Variants in COX20 observed in about 807,000 individuals in gnomAD.
COX20 encodes cytochrome c oxidase assembly protein COX20, mitochondrial.
Under a neutral mutation model 14.3 loss-of-function variants are expected in COX20, and 14 were observed. That is an observed-to-expected ratio of 0.98 (90% confidence interval 0.65 to 1.53). The LOEUF (loss-of-function observed/expected upper bound fraction) is 1.53, where lower values mean the gene tolerates loss of function less well. Ranked by LOEUF, COX20 falls within the 40% of genes most tolerant of loss-of-function variation. The pLI, the probability that COX20 is intolerant of heterozygous loss-of-function variation, is 0.00. For synonymous variants in COX20, 56 were observed against 51.7 expected, an observed-to-expected ratio of 1.08 and a Z score of -0.36; for missense variants, 149 against 142.1, an observed-to-expected ratio of 1.05 and a Z score of -0.25.
Position 244,835,763 on chromosome 1 carries a change from TG to T in COX20, c.42+12del, listed in dbSNP as rs1189946614. ...TGAGCCCGAGGAGAGGAAGGTAACCTGGGGGTCGGCGGGGCGCGCGCCGCGG... is the reference window on the plus strand; with the variant it reads ...TGAGCCCGAGGAGAGGAAGGTAACCTGGGGTCGGCGGGGCGCGCGCCGCGG... On this transcript the variant is annotated splice_region_variant and intron_variant, in intron 1 of 3. Coordinates refer to ENST00000411948, the MANE Select transcript of COX20 (RefSeq NM_198076.6). 1.6e-6 allele frequency: 2 copies of T among 1,232,392 alleles called. No individual in the cohort carries two copies. The highest frequency in any genetic ancestry group is 2.0e-6 in the Non-Finnish European group (2 of 987,812). 76.3% of individuals were successfully genotyped at this position (1,232,392 alleles called of 1,614,324 possible).
At chr1:244,835,325 C>A (rs1679922568), upstream of COX20, 1 of 176,024 alleles carries the variant, frequency 5.7e-6, no homozygotes, top group Non-Finnish European at 1.2e-5. Flanking sequence ...AGCACGCGCG[C>A]CGGAGACGGT....
rs1346090602 is a variant in COX20 at position 244,845,032 on chromosome 1, AC to A, written c.*1857del. 2 of 166,054 alleles carry A rather than the reference AC, an allele frequency of 1.2e-5. No individual in the cohort carries two copies. The highest frequency in any genetic ancestry group is 1.5e-5 in the Non-Finnish European group (1 of 68,122). The allele number at this position is 166,054 out of a possible 1,614,324, so 10.3% of individuals were successfully genotyped here. A position where few individuals can be genotyped will look rare whatever the true frequency, so the allele number is the denominator to read the frequency against. On this transcript the variant is annotated 3_prime_UTR_variant, in exon 4 of 4. Transcript: ENST00000411948. Reference sequence around the variant, plus strand: ...CTCTAGATTACTTATAATGTCTAATACAAAATAAATGCTATGTAAATGTAAT... The same window carrying A: ...CTCTAGATTACTTATAATGTCTAATAAAAATAAATGCTATGTAAATGTAAT...
chr1:244,840,792 T>G (rs3191), intron 1 of COX20: 4,577 of 152,288 alleles, frequency 0.03, 120 homozygotes, highest in Middle Eastern at 0.044. Context: ...TACTATCCTT[T>G]CCCCATTTCT....
rs1680288348 is a variant in COX20 at position 244,843,245 on chromosome 1, T to A, written c.*69T>A. ...ACCACATAAAACATTTCATGTGCAA[T>A]AAGCTCTCAATCAAGTAAATAAAGT... On this transcript the variant is annotated 3_prime_UTR_variant, in exon 4 of 4. Coordinates refer to ENST00000411948, the MANE Select transcript of COX20 (RefSeq NM_198076.6). The A allele has an allele frequency of 6.9e-7, 1 of 1,440,740 alleles. No individual in the cohort carries two copies. Among genetic ancestry groups the A allele is most frequent in the Non-Finnish European group, 9.4e-7 (1 of 1,065,312 alleles). The allele number at this position is 1,440,740 out of a possible 1,614,324, so 89.2% of individuals were successfully genotyped here. A position where few individuals can be genotyped will look rare whatever the true frequency, so the allele number is the denominator to read the frequency against.
chr1:244,837,115 AAAACTT>A (rs1680014737), intron 1 of COX20, among the ~76,000 whole-genome samples: 2 of 152,186 alleles, frequency 1.3e-5, no homozygotes, highest in African/African-American at 2.4e-5. Context: ...TTAAAAAAAA[AAAACTT>A]AAAAGAGGAT....
At position 244,835,708 on chromosome 1, in the gene COX20, A is replaced by C; in HGVS notation, c.-7A>C. 7.9e-7 allele frequency: 1 copy of C among 1,263,368 alleles called. No homozygotes were observed. The highest frequency in any genetic ancestry group is 1.0e-6 in the Non-Finnish European group (1 of 1,002,054). 78.3% of individuals were successfully genotyped at this position (1,263,368 alleles called of 1,614,324 possible). ...TGCAGGGCGGGTGGAGTCGCGGAGT[A>C]GTCCTCATGGCCGCCCCGCCGGAGC... On this transcript the variant is annotated 5_prime_UTR_variant, in exon 1 of 4. Transcript: ENST00000411948.
intron 1 of COX20, chr1:244,840,856 T>C (rs1254358007): frequency 2.0e-5 from 3 of 152,240 alleles, no homozygotes; most frequent in African/African-American, 7.2e-5. Context: ...CCTCATCCTA[T>C]AGAATCCCTT....
At chr1:244,836,023 G>T (rs989383057) in intron 1 of COX20, among the ~76,000 whole-genome samples, 1 of 152,188 alleles carries the variant, frequency 6.6e-6, no homozygotes, top group Non-Finnish European at 1.5e-5. Context: ...TAACAATACT[G>T]AATCTTTGGC....
rs1188679305 is a variant in COX20, at chr1:244,841,914, C to A, written c.43-30C>A. The stretch of plus-strand genomic sequence containing the variant: ...CACCCCAAAATGAAATACTTTCTTA[C>A]TCAATCTAGGTTCTTTTTTTTCATT... On this transcript the variant is annotated intron_variant, in intron 1 of 3. Transcript: ENST00000411948. 10 of 1,346,412 alleles carry A rather than the reference C, an allele frequency of 7.4e-6. No homozygotes were observed. In the Admixed American group the frequency reaches 1.6e-4, roughly 22 times the overall value. 83.4% of individuals were successfully genotyped at this position (1,346,412 alleles called of 1,614,324 possible). A position where few individuals can be genotyped will look rare whatever the true frequency, so the allele number is the denominator to read the frequency against.
At chr1:244,841,668 C>T (rs750511917) in intron 1 of COX20, 3 of 302,770 alleles carry the variant, frequency 9.9e-6, no homozygotes, top group Non-Finnish European at 1.8e-5. Flanking sequence ...TATCCTATTT[C>T]CAAGTCAGTT....
At chr1:244,842,300 G>A (rs1336219002) in intron 3 of COX20, 42 bp downstream of exon 3, 9 of 1,345,438 alleles carry the variant, frequency 6.7e-6, no homozygotes, top group Non-Finnish European at 7.5e-6. Context: ...GATTATAGTA[G>A]GTTATCTAAT....
At chr1:244,842,463 G>A (rs1573316571) in intron 3 of COX20, 2 of 521,712 alleles carry the variant, frequency 3.8e-6, no homozygotes, top group East Asian at 6.1e-5. Context: ...AGAAAGCTGT[G>A]GTTTTTACAC....
Position 244,842,267 on chromosome 1 carries a change from G to A in COX20, c.221+9G>A, listed in dbSNP as rs768333404. The A allele has an allele frequency of 9.5e-6, 15 of 1,578,376 alleles. No homozygotes were observed. Among genetic ancestry groups the A allele is most frequent in the Non-Finnish European group, 1.2e-5 (14 of 1,147,712 alleles). Reference sequence around the variant, plus strand: ...GTGACTTTGGGATGCTGGTATGTTTGCTAAGTATTCAAGAACATCCATGAT... The same window carrying A: ...GTGACTTTGGGATGCTGGTATGTTTACTAAGTATTCAAGAACATCCATGAT... On this transcript the variant is annotated intron_variant, in intron 3 of 3. Transcript: ENST00000411948.
At position 244,843,061 on chromosome 1, in the gene COX20, A is replaced by G. The variant is rs1200448210; in HGVS notation, c.242A>G (p.Tyr81Cys). The G allele has an allele frequency of 7.6e-6, 12 of 1,583,292 alleles. No individual in the cohort carries two copies. Among genetic ancestry groups the G allele is most frequent in the South Asian group, 1.2e-5 (1 of 86,362 alleles). The stretch of plus-strand genomic sequence containing the variant: ...CTAAGGTTTCATTGTAGGTATAATT[A>G]TGCAAAGCAAAGAATCCAGGAAAGA... ...LGCWFHCRYN[Y>C]AKQRIQERIA... The change falls in exon 4 of 4, where the codon TAT becomes TGT. Residue 81 changes from tyrosine to cysteine, a missense_variant. Coordinates refer to ENST00000411948, the MANE Select transcript of COX20 (RefSeq NM_198076.6).
In COX20 at chr1:244,843,069, C is replaced by G; in HGVS notation, c.250C>G (p.Gln84Glu). 6.3e-7 allele frequency: 1 copy of G among 1,587,274 alleles called. No homozygotes were observed. The highest frequency in any genetic ancestry group is 1.2e-5 in the South Asian group (1 of 86,832). ...WFHCRYNYAK[Q>E]RIQERIAREE... ...TCATTGTAGGTATAATTATGCAAAG[C>G]AAAGAATCCAGGAAAGAATTGCCAG... is the stretch of plus-strand genomic sequence containing the variant. Residue 84 changes from glutamine to glutamate, a missense_variant, in exon 4 of 4, where the codon CAA becomes GAA. Gln to Glu is a conservative substitution (Grantham distance 29). Transcript: ENST00000411948.
chr1:244,842,359 C>A, intron 3 of COX20, 101 bp downstream of exon 3: 1 of 800,228 alleles, frequency 1.2e-6, no homozygotes, highest in Non-Finnish European at 2.2e-6. Context: ...GGGAGATCCT[C>A]ACCCTCAATG....
At chr1:244,837,156 C>T (rs948225135) in intron 1 of COX20, among the ~76,000 whole-genome samples, 1 of 151,542 alleles carries the variant, frequency 6.6e-6, no homozygotes, top group Non-Finnish European at 1.5e-5. Flanking sequence ...TTAACTGGCC[C>T]ATCAGTAAGT....
chr1:244,836,268 C>G (rs999511571), intron 1 of COX20, among the ~76,000 whole-genome samples: 6 of 152,202 alleles, frequency 3.9e-5, no homozygotes, highest in Admixed American at 3.3e-4. Flanking sequence ...TCCATACTCT[C>G]CTGAATCCAC....
chr1:244,837,869 G>C (rs1680045626), intron 1 of COX20, among the ~76,000 whole-genome samples: 1 of 152,182 alleles, frequency 6.6e-6, no homozygotes, highest in African/African-American at 2.4e-5. Flanking sequence ...GGATCATGTA[G>C]GGCCTTTGGA....
Sources: allele counts gnomAD v4.1 joint callset (sites outside exome capture counted in the v4.1 genomes callset), GRCh38; gene constraint gnomAD v4.1.1; transcripts MANE v1.5; gene names NCBI Gene and HGNC (gene_info 2026-07-23, HGNC 2026-07-21).